Variants in CFAP77 observed in about 807,000 individuals in gnomAD.
The protein encoded by CFAP77 is cilia- and flagella-associated protein 77.
Under a neutral mutation model 31.1 loss-of-function variants are expected in CFAP77, and 25 were observed. That is an observed-to-expected ratio of 0.80 (90% CI 0.59 to 1.12). CFAP77 has a LOEUF of 1.12. Among genes scored for constraint, CFAP77 ranks in the 50% most tolerant of loss-of-function variants. CFAP77 has a pLI of 0.00. For synonymous variants in CFAP77, 151 were observed against 159.9 expected, an observed-to-expected ratio of 0.94 and a Z score of 0.42; for missense variants, 377 against 397.3, an observed-to-expected ratio of 0.95 and a Z score of 0.44.
chr9:132,457,242 C>G (rs1303233884), intron 1 of CFAP77, among the ~76,000 whole-genome samples: 1 of 149,648 alleles, frequency 6.7e-6, no homozygotes, highest in Admixed American at 6.7e-5. Context: ...CTCGCTCCCA[C>G]GCATGCCCGC....
At chr9:132,503,420 G>A (rs193132633) in intron 3 of CFAP77, among the ~76,000 whole-genome samples, 111 of 152,294 alleles carry the variant, frequency 7.3e-4, no homozygotes, top group African/African-American at 2.5e-3. Flanking sequence ...GCCCTGGGTC[G>A]GGAGTTGGCC....
intron 1 of CFAP77, among the ~76,000 whole-genome samples, chr9:132,447,558 C>T (rs1186707551): frequency 6.6e-6 from 1 of 152,178 alleles, no homozygotes; most frequent in African/African-American, 2.4e-5. Flanking sequence ...CTTGGCCATC[C>T]CCATCCACAA....
chr9:132,474,314 C>T (rs543626933), intron 1 of CFAP77, among the ~76,000 whole-genome samples: 6 of 152,162 alleles, frequency 3.9e-5, no homozygotes, highest in Admixed American at 3.3e-4. Context: ...CATACACTTA[C>T]GAACGCCTCG....
At chr9:132,569,727 CCTTTTTTT>C (rs1564255719) in intron 5 of CFAP77, among the ~76,000 whole-genome samples, 1 of 143,132 alleles carries the variant, frequency 7.0e-6, no homozygotes, top group Non-Finnish European at 1.5e-5. Flanking sequence ...CTCTAGCTGC[CCTTTTTTT>C]TTTTTTTTTT....
intron 3 of CFAP77, among the ~76,000 whole-genome samples, chr9:132,504,353 T>G (rs1851899768): frequency 1.3e-5 from 2 of 152,230 alleles, no homozygotes; most frequent in Admixed American, 1.3e-4. Context: ...AGCATTATCA[T>G]CCAGCTTTCA....
At chr9:132,503,118 A>G (rs945362825) in intron 3 of CFAP77, among the ~76,000 whole-genome samples, 16 of 152,272 alleles carry the variant, frequency 1.1e-4, no homozygotes, top group Middle Eastern at 3.4e-3. Context: ...GACACTAGAG[A>G]CACCTTGGAA....
intron 5 of CFAP77, among the ~76,000 whole-genome samples, chr9:132,556,009 G>A (rs1291650531): frequency 2.0e-5 from 3 of 152,004 alleles, no homozygotes; most frequent in Non-Finnish European, 4.4e-5. Context: ...TAGATGATCC[G>A]TGTGCTTGGA....
At chr9:132,535,167 G>A (rs1232222166) in intron 3 of CFAP77, among the ~76,000 whole-genome samples, 2 of 152,156 alleles carry the variant, frequency 1.3e-5, no homozygotes, top group Non-Finnish European at 2.9e-5. Context: ...AGTTGATAAT[G>A]ATATTTACAA....
intron 3 of CFAP77, among the ~76,000 whole-genome samples, chr9:132,536,168 G>A (rs1852539387): frequency 1.3e-5 from 2 of 152,088 alleles, no homozygotes; most frequent in Non-Finnish European, 2.9e-5. Context: ...TTGGTTCTAA[G>A]CTCCAAGTGG....
rs570570248 is a variant in CFAP77, at chr9:132,520,518, T to C, written c.525-17083T>C. On this transcript the variant is annotated intron_variant, in intron 3 of 5. Transcript: ENST00000393216. ...AAAATTAGCCAGTTACGGTGGTGAG[T>C]GTTGTAGTCCCAGCTACTCAGGAGG... Among the ~76,000 whole-genome samples, 181 of 151,884 alleles carry C rather than the reference T, an allele frequency of 1.2e-3. 1 individual carries two copies. The highest frequency in any genetic ancestry group is 4.2e-3 in the African/African-American group (174 of 41,388).
intron 1 of CFAP77, among the ~76,000 whole-genome samples, chr9:132,488,845 C>T (rs1386392193): frequency 1.3e-5 from 2 of 152,146 alleles, no homozygotes; most frequent in African/African-American, 2.4e-5. Context: ...TCCCAGGACC[C>T]CCTGGGACGG....
chr9:132,502,112 G>A (rs17476584), intron 3 of CFAP77, among the ~76,000 whole-genome samples: 2,238 of 152,268 alleles, frequency 0.015, 28 homozygotes, highest in Middle Eastern at 0.027. Context: ...GACTGACAAA[G>A]CCAACATCTC....
Position 132,572,610 on chromosome 9 carries a change from G to T in CFAP77, c.*100G>T. On this transcript the variant is annotated 3_prime_UTR_variant, in exon 6 of 6. Coordinates refer to ENST00000393216, the MANE Select transcript of CFAP77 (RefSeq NM_001282957.2). ...AACCCTGACATTCCCCCATTTTTAT[G>T]CAGGTTCTGCTTCAAGGAGCTCAGA... 8.2e-7 allele frequency: 1 copy of T among 1,221,374 alleles called. No individual in the cohort carries two copies. The allele number at this position is 1,221,374 out of a possible 1,614,324, so 75.7% of individuals were successfully genotyped here.
At chr9:132,465,785 A>G (rs1262732054) in intron 1 of CFAP77, among the ~76,000 whole-genome samples, 3 of 152,218 alleles carry the variant, frequency 2.0e-5, no homozygotes, top group Non-Finnish European at 4.4e-5. Flanking sequence ...AGAACAGGCA[A>G]TTCTCTGCTC....
intron 1 of CFAP77, among the ~76,000 whole-genome samples, chr9:132,418,444 G>A (rs1349630001): frequency 6.6e-6 from 1 of 152,224 alleles, no homozygotes; most frequent in Non-Finnish European, 1.5e-5. Context: ...CTTCACCCGT[G>A]GTTCATGGTC....
intron 1 of CFAP77, among the ~76,000 whole-genome samples, chr9:132,418,308 C>T (rs944752237): frequency 2.0e-5 from 3 of 152,216 alleles, no homozygotes; most frequent in Non-Finnish European, 4.4e-5. Context: ...GCTCAGCATC[C>T]TGCTATACAC....
In CFAP77 at chr9:132,480,878, G is replaced by A. The variant is rs931890374; in HGVS notation, c.196-17817G>A. Reference sequence around the variant, plus strand: ...CGGTGAGCGAGAGGGCATAAGATGAGGCCAAGGCTAGGAGCAGAGGTGCCC... The same window carrying A: ...CGGTGAGCGAGAGGGCATAAGATGAAGCCAAGGCTAGGAGCAGAGGTGCCC... On this transcript the variant is annotated intron_variant, in intron 1 of 5. Coordinates refer to ENST00000393216, the MANE Select transcript of CFAP77 (RefSeq NM_001282957.2). The surrounding 1 kb of genome is among the most constrained non-coding windows in gnomAD (Gnocchi z 5.8). Among the ~76,000 whole-genome samples the A allele has an allele frequency of 3.9e-5, 6 of 152,090 alleles. No individual in the cohort carries two copies. Among genetic ancestry groups the A allele is most frequent in the Non-Finnish European group, 5.9e-5 (4 of 68,020 alleles).
At chr9:132,543,184 A>G (rs1852675001) in intron 5 of CFAP77, 137 bp downstream of exon 5, 1 of 687,866 alleles carries the variant, frequency 1.5e-6, no homozygotes, top group Non-Finnish European at 2.6e-6. Context: ...AGCAATCGCA[A>G]CAGCTAATGT....
At chr9:132,505,148 G>C (rs567744094) in intron 3 of CFAP77, among the ~76,000 whole-genome samples, 1 of 152,330 alleles carries the variant, frequency 6.6e-6, no homozygotes, top group Admixed American at 6.5e-5. Context: ...AATGAGCAGA[G>C]GGGTTGTGAC....
Sources: allele counts gnomAD v4.1 joint callset (sites outside exome capture counted in the v4.1 genomes callset), GRCh38; gene constraint gnomAD v4.1.1; non-coding constraint Gnocchi (gnomAD v3.1); transcripts MANE v1.5; gene names NCBI Gene and HGNC (gene_info 2026-07-23, HGNC 2026-07-21).